Variants in UGGT2 observed in about 807,000 individuals in gnomAD.
UGGT2 encodes the protein UDP-glucose glycoprotein glucosyltransferase 2, also known as UDP-glucose:glycoprotein glucosyltransferase 2.
Under a neutral mutation model 192.1 loss-of-function variants are expected in UGGT2, and 180 were observed. That is an observed-to-expected ratio of 0.94 (90% CI 0.83 to 1.06). UGGT2 has a LOEUF of 1.06. UGGT2 is among the 50% of genes least tolerant of loss of function. The pLI is 0.00. For missense variants in UGGT2, 1,849 were observed against 1,795.7 expected, an observed-to-expected ratio of 1.03 and a Z score of -0.54; for synonymous variants, 580 against 591.0, an observed-to-expected ratio of 0.98 and a Z score of 0.27.
intron 25 of UGGT2, 88 bp downstream of exon 25, chr13:95,890,774 C>T (rs1205761918): frequency 2.1e-6 from 2 of 946,122 alleles, no homozygotes; most frequent in Non-Finnish European, 3.3e-6. Flanking sequence ...GGATCAAGAG[C>T]ATAAACAGCT....
intron 21 of UGGT2, 35 bp downstream of exon 21, chr13:95,902,819 T>C: frequency 6.4e-7 from 1 of 1,558,346 alleles, no homozygotes; most frequent in Non-Finnish European, 8.8e-7. Context: ...AAATATGCAA[T>C]ACATACATAT....
At position 95,884,407 on chromosome 13, in the gene UGGT2, G is replaced by A. The variant is rs1015501230; in HGVS notation, c.3228+84C>T. 3.7e-6 allele frequency: 4 copies of A among 1,091,824 alleles called. No individual in the cohort carries two copies. In the African/African-American group the frequency reaches 6.4e-5, roughly 17 times the overall value. The allele number at this position is 1,091,824 out of a possible 1,614,324, so 67.6% of individuals were successfully genotyped here. On this transcript the variant is annotated intron_variant, in intron 27 of 38. Coordinates refer to ENST00000376747, the MANE Select transcript of UGGT2 (RefSeq NM_020121.4). ...ATATTCTGGTAAACATTCATAGTAT[G>A]ATTGCTCACTTGCTACAATTGTAAT...
chr13:95,884,422 A>G (rs1230371253), intron 27 of UGGT2, 69 bp downstream of exon 27: 2 of 1,275,768 alleles, frequency 1.6e-6, no homozygotes, highest in East Asian at 2.5e-5. Context: ...CTCACTTGCT[A>G]CAATTGTAAT....
At chr13:95,952,616 T>C (rs2050101760) in intron 12 of UGGT2, among the ~76,000 whole-genome samples, 1 of 152,204 alleles carries the variant, frequency 6.6e-6, no homozygotes, top group Non-Finnish European at 1.5e-5. Flanking sequence ...TGTGGAACCC[T>C]TGGATATGGA....
chr13:95,975,021 C>T (rs1421234437), intron 10 of UGGT2, among the ~76,000 whole-genome samples: 1 of 152,140 alleles, frequency 6.6e-6, no homozygotes. Context: ...GTGGAGGTTG[C>T]AGTGAGCTGA....
At chr13:95,892,653 A>C (rs751369126) in intron 24 of UGGT2, among the ~76,000 whole-genome samples, 1 of 152,194 alleles carries the variant, frequency 6.6e-6, no homozygotes, top group Non-Finnish European at 1.5e-5. Flanking sequence ...AAAATAGGTC[A>C]AGTAATCTAT....
intron 10 of UGGT2, among the ~76,000 whole-genome samples, chr13:95,973,174 A>T (rs2140800436): frequency 6.6e-6 from 1 of 151,650 alleles, no homozygotes; most frequent in South Asian, 2.1e-4. Flanking sequence ...CCATCTCAAA[A>T]AAATAAATAA....
chr13:95,972,371 C>G (rs1399224946), intron 11 of UGGT2, among the ~76,000 whole-genome samples: 1 of 152,214 alleles, frequency 6.6e-6, no homozygotes, highest in Non-Finnish European at 1.5e-5. Context: ...TAACCCTCAT[C>G]CAAACAAATA....
intron 22 of UGGT2, among the ~76,000 whole-genome samples, chr13:95,897,583 A>T (rs1400637744): frequency 6.6e-6 from 1 of 152,140 alleles, no homozygotes; most frequent in Non-Finnish European, 1.5e-5. Context: ...ATTTATACTA[A>T]AATATCATAC....
intron 29 of UGGT2, among the ~76,000 whole-genome samples, chr13:95,872,398 TC>T (rs1891300078): frequency 6.6e-6 from 1 of 152,192 alleles, no homozygotes; most frequent in African/African-American, 2.4e-5. Flanking sequence ...ACTTAGAAAC[TC>T]ATATCAATAT....
rs757507849 is a variant in UGGT2 at position 96,031,877 on chromosome 13, C to T, written c.241+12G>A. ...TACAAATCTTACAAGTTAAAATTTA[C>T]ATATCACCTACCTGTTTGCTTATAA... is the stretch of plus-strand genomic sequence containing the variant. On this transcript the variant is annotated intron_variant, in intron 2 of 38. Transcript: ENST00000376747. 1.3e-5 allele frequency: 20 copies of T among 1,585,558 alleles called. No individual in the cohort carries two copies. Among genetic ancestry groups the T allele is most frequent in the Middle Eastern group, 1.7e-4 (1 of 5,978 alleles).
intron 5 of UGGT2, among the ~76,000 whole-genome samples, chr13:96,012,736 A>C (rs577730395): frequency 7.2e-4 from 58 of 80,684 alleles, no homozygotes; most frequent in Admixed American, 2.8e-3. Flanking sequence ...CATTATATTC[A>C]TACGCATGTG....
intron 1 of UGGT2, among the ~76,000 whole-genome samples, chr13:96,051,135 C>A (rs1200913924): frequency 6.6e-6 from 1 of 152,096 alleles, no homozygotes; most frequent in Non-Finnish European, 1.5e-5. Context: ...ATATACACCA[C>A]GGAATACTAT....
chr13:95,914,003 T>C lies in UGGT2; in HGVS notation c.2296-10943A>G, dbSNP rs566244165. Among the ~76,000 whole-genome samples the C allele has an allele frequency of 1.7e-4, 26 of 152,208 alleles. 1 individual carries two copies. In the South Asian group the frequency reaches 5.4e-3, roughly 32 times the overall value. On this transcript the variant is annotated intron_variant, in intron 20 of 38. Coordinates refer to ENST00000376747, the MANE Select transcript of UGGT2 (RefSeq NM_020121.4). ...TAAGGACGGAAAACCAAATACCACA[T>C]GTTCTCACTCATAGGTGGGAATTGA...
chr13:95,949,929 G>A (rs189458759), intron 12 of UGGT2, among the ~76,000 whole-genome samples: 96 of 152,212 alleles, frequency 6.3e-4, no homozygotes, highest in Non-Finnish European at 1.2e-3. Flanking sequence ...CATATAAACT[G>A]CTGTTTAGAG....
At chr13:95,906,855 G>A (rs2048307164) in intron 20 of UGGT2, among the ~76,000 whole-genome samples, 2 of 152,184 alleles carry the variant, frequency 1.3e-5, no homozygotes, top group Admixed American at 1.3e-4. Flanking sequence ...GCAGCTCCCA[G>A]TGTGACCGAT....
At chr13:96,009,954 T>C (rs937104567) in intron 5 of UGGT2, among the ~76,000 whole-genome samples, 7 of 152,154 alleles carry the variant, frequency 4.6e-5, no homozygotes, top group African/African-American at 1.7e-4. Context: ...TACCATCTTG[T>C]ATCAGTCAGA....
chr13:96,021,340 A>G (rs2052509728), intron 4 of UGGT2, among the ~76,000 whole-genome samples: 1 of 152,204 alleles, frequency 6.6e-6, no homozygotes, highest in South Asian at 2.1e-4. Context: ...TATAATTATA[A>G]AAGTTGACAT....
Position 96,046,816 on chromosome 13 carries a change from A to C in UGGT2, c.158+6339T>G, listed in dbSNP as rs1340343443. On this transcript the variant is annotated intron_variant, in intron 1 of 38. Coordinates refer to ENST00000376747, the MANE Select transcript of UGGT2 (RefSeq NM_020121.4). ...GTCTTAGCAAACGGCACACCAGGAG[A>C]TTATATCCTGCGCATGGCTTGAAGA... is the stretch of plus-strand genomic sequence containing the variant. 3.3e-5 allele frequency among the ~76,000 whole-genome samples: 5 copies of C among 152,118 alleles called. No individual in the cohort carries two copies. In the East Asian group the frequency reaches 9.6e-4, roughly 29 times the overall value.
Sources: gnomAD v4.1 joint callset for allele counts (sites outside exome capture counted in the v4.1 genomes callset) on GRCh38, gnomAD v4.1.1 for gene constraint, MANE v1.5 for transcripts, NCBI Gene and HGNC (gene_info 2026-07-23, HGNC 2026-07-21) for gene names.